The following NUCB2 variants were observed in gnomAD, a reference collection of about 807,000 sequenced individuals.
NUCB2 encodes nucleobindin 2.
In NUCB2, 48 loss-of-function variants were observed where a neutral mutation model predicts 57.9. That is an observed-to-expected ratio of 0.83 (90% CI 0.66 to 1.05). NUCB2 has a LOEUF of 1.05. NUCB2 is among the 50% of genes least tolerant of loss of function. The pLI, the probability that NUCB2 is intolerant of heterozygous loss-of-function variation, is 0.00. For synonymous variants in NUCB2, 139 were observed against 152.1 expected, an observed-to-expected ratio of 0.91 and a Z score of 0.64; for missense variants, 442 against 476.2, an observed-to-expected ratio of 0.93 and a Z score of 0.67.
At chr11:17,336,062 T>G (rs1359912220), downstream of NUCB2, among the ~76,000 whole-genome samples, 1 of 151,924 alleles carries the variant, frequency 6.6e-6, no homozygotes, top group Non-Finnish European at 1.5e-5. Flanking sequence ...GGATTTCGGA[T>G]TTTTTTGTAG....
intron 11 of NUCB2, among the ~76,000 whole-genome samples, chr11:17,321,503 TGATG>T (rs1472739266): frequency 2.0e-5 from 3 of 152,188 alleles, no homozygotes; most frequent in African/African-American, 7.2e-5. Context: ...ATTCATCTGT[TGATG>T]GATGCTTAGC....
At chr11:17,323,636 G>C (rs1166839537) in intron 11 of NUCB2, among the ~76,000 whole-genome samples, 2 of 152,174 alleles carry the variant, frequency 1.3e-5, no homozygotes. Flanking sequence ...AATAGTTTGA[G>C]TAGGATTGGC....
intron 2 of NUCB2, among the ~76,000 whole-genome samples, chr11:17,342,826 G>A (rs1216876576): frequency 6.6e-6 from 1 of 151,860 alleles, no homozygotes; most frequent in East Asian, 1.9e-4. Flanking sequence ...ATGTCTATTA[G>A]GTCTGCTTGG....
chr11:17,312,905 C>G (rs1319506482), intron 10 of NUCB2, among the ~76,000 whole-genome samples: 4 of 143,532 alleles, frequency 2.8e-5, no homozygotes, highest in Admixed American at 7.0e-5. Flanking sequence ...TGGGGTTTCA[C>G]CATGTTTGCC....
At chr11:17,310,424 G>C (rs1444639060) in intron 6 of NUCB2, among the ~76,000 whole-genome samples, 2 of 152,212 alleles carry the variant, frequency 1.3e-5, no homozygotes, top group South Asian at 2.1e-4. Flanking sequence ...ATCACCCAAG[G>C]TCAGCAGTTC....
Position 17,337,799 on chromosome 11 carries a change from A to G in NUCB2, n.2626+265A>G, listed in dbSNP as rs576036873. ...CAGGTGCCTGCCACCACATCTGGCTAATTTTTTATATTTTTAGTAGAGACG... is the reference window on the plus strand; with the variant it reads ...CAGGTGCCTGCCACCACATCTGGCTGATTTTTTATATTTTTAGTAGAGACG... On this transcript the variant is annotated intron_variant and non_coding_transcript_variant, in intron 2 of 2. Transcript: ENST00000532240. Among the ~76,000 whole-genome samples the G allele has an allele frequency of 5.9e-5, 9 of 152,018 alleles. No homozygotes were observed. The South Asian group carries it at 1.9e-3, about 32-fold the overall frequency.
rs746225358 is a variant in NUCB2, at chr11:17,311,931, G to A, written c.819+1G>A. 1 of 1,585,668 alleles carries A rather than the reference G, an allele frequency of 6.3e-7. No homozygotes were observed. Among genetic ancestry groups the A allele is most frequent in the Non-Finnish European group, 8.6e-7 (1 of 1,159,150 alleles). ...ATTAGAAGCCCTATTTACTAAAGAG[G>A]TAAAGGAGTTTATTAAGTATTCAGT... On this transcript the variant is annotated splice_donor_variant, in intron 9 of 13. Coordinates refer to ENST00000529010, the MANE Select transcript of NUCB2 (RefSeq NM_005013.4). LOFTEE classifies it high-confidence loss of function.
intron 2 of NUCB2, among the ~76,000 whole-genome samples, chr11:17,284,767 C>A (rs184796186): frequency 6.6e-6 from 1 of 152,070 alleles, no homozygotes; most frequent in South Asian, 2.1e-4. Context: ...TTGGTGAATA[C>A]CATTTTCATG....
intron 11 of NUCB2, among the ~76,000 whole-genome samples, chr11:17,318,486 C>T (rs912821551): frequency 3.9e-5 from 6 of 152,032 alleles, no homozygotes; most frequent in African/African-American, 1.4e-4. Context: ...AATGCTGCTA[C>T]AAATACATTT....
At chr11:17,301,272 CTTTTTTTT>C (rs397848120) in intron 4 of NUCB2, among the ~76,000 whole-genome samples, 20 of 73,274 alleles carry the variant, frequency 2.7e-4, no homozygotes, top group South Asian at 4.9e-4. Flanking sequence ...CGCGCCTGGC[CTTTTTTTT>C]TTTTTTTTTT....
intron 2 of NUCB2, among the ~76,000 whole-genome samples, 174 bp from the exon 3 acceptor site, chr11:17,295,150 A>T (rs1421617065): frequency 1.3e-5 from 2 of 152,160 alleles, no homozygotes; most frequent in Admixed American, 1.3e-4. Flanking sequence ...TTAGTGATCT[A>T]TTTTAAGCAT....
chr11:17,288,963 A>ATATTTT lies in NUCB2; in HGVS notation c.-1+6021_-1+6022insATTTTT, dbSNP rs753006566. Among the ~76,000 whole-genome samples, 52 of 68,092 alleles carry ATATTTT rather than the reference A, an allele frequency of 7.6e-4. 6 individuals carry two copies. The highest frequency in any genetic ancestry group is 0.012 in the Middle Eastern group (1 of 84). The allele number at this position is 68,092 out of a possible 152,430, so 44.7% of individuals were successfully genotyped here. A position where few individuals can be genotyped will look rare whatever the true frequency, so the allele number is the denominator to read the frequency against. The stretch of plus-strand genomic sequence containing the variant: ...CACACACACACACATATATATATAT[A>ATATTTT]TTTTTTTTTTTTGAGATGGAGTTTT... On this transcript the variant is annotated intron_variant, in intron 2 of 13. Transcript: ENST00000529010.
In NUCB2 at chr11:17,331,649, T is replaced by C. The variant is rs1191981772; in HGVS notation, c.*230T>C. 2.9e-5 allele frequency: 11 copies of C among 380,814 alleles called. No individual in the cohort carries two copies. The highest frequency in any genetic ancestry group is 9.4e-6 in the Non-Finnish European group (2 of 211,880). The allele number at this position is 380,814 out of a possible 1,614,324, so 23.6% of individuals were successfully genotyped here. A position where few individuals can be genotyped will look rare whatever the true frequency, so the allele number is the denominator to read the frequency against. On this transcript the variant is annotated 3_prime_UTR_variant, in exon 14 of 14. Coordinates refer to ENST00000529010, the MANE Select transcript of NUCB2 (RefSeq NM_005013.4). ...CACTGTCTGCTCTCTGCTCTCACAT[T>C]CACACGGCTCTTTTATTTATTTTTT...
At chr11:17,306,134 C>T (rs1216380897) in intron 5 of NUCB2, among the ~76,000 whole-genome samples, 2 of 151,816 alleles carry the variant, frequency 1.3e-5, no homozygotes, top group African/African-American at 4.9e-5. Context: ...GAGTCAAAAT[C>T]AAAGAGTAGA....
In NUCB2 at chr11:17,330,230, A is replaced by G; in HGVS notation, c.1106A>G (p.Gln369Arg). 6.2e-7 allele frequency: 1 copy of G among 1,611,840 alleles called. No homozygotes were observed. Residue 369 changes from glutamine (Q) to arginine (R), a missense_variant, in exon 12 of 14, where the codon CAG becomes CGG. By Grantham distance (43) the Gln-to-Arg change is conservative (BLOSUM62 1). Transcript: ENST00000529010. This position sits in a 1 kb window ranked among gnomAD's most constrained non-coding sequence, Gnocchi z 4.3. The part of the protein sequence containing the change: ...NELKKKADEL[Q>R]KQKEELQRQH... ...CTTAAGAAGAAGGCAGATGAGCTTC[A>G]GAAACAAAAAGAAGAGCTACAACGT...
chr11:17,314,214 A>G (rs1009590661), intron 10 of NUCB2, among the ~76,000 whole-genome samples: 32 of 152,054 alleles, frequency 2.1e-4, no homozygotes, highest in Middle Eastern at 3.4e-3. Flanking sequence ...CACTTCCACT[A>G]CTATTTAATA....
At chr11:17,291,058 A>G (rs530024346) in intron 2 of NUCB2, among the ~76,000 whole-genome samples, 2 of 152,210 alleles carry the variant, frequency 1.3e-5, no homozygotes, top group East Asian at 1.9e-4. Context: ...GTACCCATTT[A>G]GCACTTATTT....
intron 2 of NUCB2, among the ~76,000 whole-genome samples, chr11:17,340,332 G>A (rs1235305382): frequency 3.3e-5 from 5 of 152,098 alleles, no homozygotes; most frequent in Non-Finnish European, 1.5e-5. Context: ...TTCTTTTGCT[G>A]TGCAGAAGCT....
At chr11:17,284,824 G>C (rs1262952567) in intron 2 of NUCB2, among the ~76,000 whole-genome samples, 1 of 152,030 alleles carries the variant, frequency 6.6e-6, no homozygotes, top group Non-Finnish European at 1.5e-5. Context: ...GCTATGCATT[G>C]TTTTGTAAGC....
Sources: gnomAD v4.1 joint callset for allele counts (sites outside exome capture counted in the v4.1 genomes callset) on GRCh38, gnomAD v4.1.1 for gene constraint, Gnocchi (gnomAD v3.1) non-coding constraint, MANE v1.5 for transcripts, NCBI Gene and HGNC (gene_info 2026-07-23, HGNC 2026-07-21) for gene names.